Variants in MTMR2 observed in about 807,000 individuals in gnomAD.
The protein encoded by MTMR2 is myotubularin related protein 2, also known as phosphatidylinositol-3,5-bisphosphate 3-phosphatase MTMR2.
A neutral mutation model predicts 86.9 loss-of-function variants in MTMR2; 55 were observed. The observed-to-expected ratio is 0.63, with a 90% CI of 0.51 to 0.79. The LOEUF (loss-of-function observed/expected upper bound fraction) is 0.79, where lower values mean the gene tolerates loss of function less well. MTMR2 is among the 30% of genes least tolerant of loss of function. The pLI, the probability that MTMR2 is intolerant of heterozygous loss-of-function variation, is 0.00. For missense variants in MTMR2, 659 were observed against 772.3 expected, an observed-to-expected ratio of 0.85 and a Z score of 1.74; for synonymous variants, 241 against 266.8, an observed-to-expected ratio of 0.90 and a Z score of 0.94.
chr11:95,845,600 A>G (rs1863752813), intron 10 of MTMR2, among the ~76,000 whole-genome samples: 1 of 152,158 alleles, frequency 6.6e-6, no homozygotes, highest in Non-Finnish European at 1.5e-5. Flanking sequence ...GGATCTCTTT[A>G]AAATACTCTA....
chr11:95,863,747 T>C (rs2135479618), intron 3 of MTMR2, among the ~76,000 whole-genome samples: 1 of 152,258 alleles, frequency 6.6e-6, no homozygotes, highest in Admixed American at 6.5e-5. Context: ...CCCTTTATTC[T>C]AAAATCATGA....
intron 1 of MTMR2, among the ~76,000 whole-genome samples, chr11:95,918,231 G>A (rs1480373941): frequency 1.3e-5 from 2 of 152,096 alleles, no homozygotes; most frequent in Non-Finnish European, 2.9e-5. Flanking sequence ...AGCATCCATC[G>A]GGATCACCTG....
rs12385798 is a variant in MTMR2, at chr11:95,888,137, T to C, written c.186+19A>G. 1.1e-5 allele frequency: 17 copies of C among 1,550,882 alleles called. No individual in the cohort carries two copies. In the East Asian group the frequency reaches 3.8e-4, roughly 35 times the overall value. On this transcript the variant is annotated intron_variant, in intron 2 of 14. Coordinates refer to ENST00000346299, the MANE Select transcript of MTMR2 (RefSeq NM_016156.6). The stretch of plus-strand genomic sequence containing the variant: ...TTAACAGAAAGTACTTCATCAGAAC[T>C]TTAAAATAGTATACATACCCTCAAA...
intron 2 of MTMR2, among the ~76,000 whole-genome samples, chr11:95,876,816 CTT>C (rs1865129782): frequency 6.6e-6 from 1 of 152,044 alleles, no homozygotes. Flanking sequence ...CTCCCTTTCT[CTT>C]CTCTCCCTCT....
intron 7 of MTMR2, among the ~76,000 whole-genome samples, chr11:95,856,333 C>CCT (rs1555062761): frequency 6.9e-6 from 1 of 145,274 alleles, no homozygotes; most frequent in Non-Finnish European, 1.5e-5. Flanking sequence ...TTACCACTTC[C>CCT]TTTTTTTTTT....
intron 1 of MTMR2, among the ~76,000 whole-genome samples, chr11:95,916,807 G>GT (rs1866729218): frequency 6.6e-6 from 1 of 152,098 alleles, no homozygotes; most frequent in South Asian, 2.1e-4. Flanking sequence ...TTCACACAAA[G>GT]TAAGAGTCTT....
chr11:95,910,012 C>T (rs1157918966), intron 1 of MTMR2, among the ~76,000 whole-genome samples: 1 of 151,944 alleles, frequency 6.6e-6, no homozygotes, highest in Non-Finnish European at 1.5e-5. Flanking sequence ...ATTGAATATA[C>T]ATACTTTTAA....
rs189540416 is a variant in MTMR2, at chr11:95,898,502, C to G, written c.81-10241G>C. ...TAACACAAGCACAGCAACAGTGAGA[C>G]GCTGTCTCTACAAACACACACACAC... On this transcript the variant is annotated intron_variant, in intron 1 of 14. Transcript: ENST00000346299. 1.6e-3 allele frequency among the ~76,000 whole-genome samples: 240 copies of G among 151,886 alleles called. 1 individual carries two copies. The highest frequency in any genetic ancestry group is 5.6e-3 in the African/African-American group (233 of 41,406).
intron 1 of MTMR2, among the ~76,000 whole-genome samples, chr11:95,891,720 T>C (rs1194883644): frequency 4.6e-5 from 7 of 152,146 alleles, no homozygotes; most frequent in African/African-American, 1.4e-4. Flanking sequence ...GTATAACCAG[T>C]CTACAAAGGG....
Position 95,862,110 on chromosome 11 carries a change from A to T in MTMR2, c.358-8T>A. Reference sequence around the variant, plus strand: ...TAAAACAAATGGGGGATCCTAAAGAAGGAAAGAAAAAATAATTAAAACTGA... The same window carrying T: ...TAAAACAAATGGGGGATCCTAAAGATGGAAAGAAAAAATAATTAAAACTGA... On this transcript the variant is annotated splice_polypyrimidine_tract_variant and splice_region_variant and intron_variant, in intron 4 of 14. Coordinates refer to ENST00000346299, the MANE Select transcript of MTMR2 (RefSeq NM_016156.6). 3.1e-6 allele frequency: 5 copies of T among 1,607,568 alleles called. No individual in the cohort carries two copies. The highest frequency in any genetic ancestry group is 4.3e-6 in the Non-Finnish European group (5 of 1,174,228).
At chr11:95,836,780 A>G (rs961318107) in intron 13 of MTMR2, among the ~76,000 whole-genome samples, 1 of 152,064 alleles carries the variant, frequency 6.6e-6, no homozygotes, top group Non-Finnish European at 1.5e-5. Flanking sequence ...CAAGGTTTAC[A>G]TATTAAATGA....
intron 11 of MTMR2, 63 bp from the exon 12 acceptor site, chr11:95,841,772 T>G: frequency 7.4e-7 from 1 of 1,353,984 alleles, no homozygotes; most frequent in Non-Finnish European, 1.1e-6. Context: ...ATGGAAATAA[T>G]TTTTTAAAAA....
At chr11:95,886,781 A>T (rs1447200394) in intron 2 of MTMR2, among the ~76,000 whole-genome samples, 3 of 152,252 alleles carry the variant, frequency 2.0e-5, no homozygotes, top group South Asian at 2.1e-4. Context: ...GACATTTCAA[A>T]ATTATTAAGA....
chr11:95,853,650 A>G (rs1470029646), intron 7 of MTMR2, among the ~76,000 whole-genome samples: 1 of 152,188 alleles, frequency 6.6e-6, no homozygotes, highest in East Asian at 1.9e-4. Flanking sequence ...CTATCAGACT[A>G]TTCATTACAT....
intron 2 of MTMR2, among the ~76,000 whole-genome samples, chr11:95,869,328 T>A (rs1864762178): frequency 6.6e-6 from 1 of 152,046 alleles, no homozygotes; most frequent in Non-Finnish European, 1.5e-5. Flanking sequence ...TGTAACCCCA[T>A]CATAGGTCGA....
intron 12 of MTMR2, among the ~76,000 whole-genome samples, chr11:95,838,497 C>T (rs1340123685): frequency 6.6e-6 from 1 of 152,008 alleles, no homozygotes; most frequent in African/African-American, 2.4e-5. Context: ...CCCAAAATGA[C>T]CACAAACAAC....
At chr11:95,863,116 T>G (rs1047718398) in intron 3 of MTMR2, among the ~76,000 whole-genome samples, 2 of 152,228 alleles carry the variant, frequency 1.3e-5, no homozygotes, top group Non-Finnish European at 2.9e-5. Context: ...CAGTTCATAA[T>G]TTCCAATACA....
intron 2 of MTMR2, among the ~76,000 whole-genome samples, chr11:95,877,103 G>C (rs1865142074): frequency 6.6e-6 from 1 of 152,104 alleles, no homozygotes; most frequent in Non-Finnish European, 1.5e-5. Flanking sequence ...GAGAAAAAAA[G>C]GATTTTCTTA....
intron 7 of MTMR2, among the ~76,000 whole-genome samples, chr11:95,851,493 G>C (rs1239024242): frequency 6.6e-6 from 1 of 152,148 alleles, no homozygotes; most frequent in Non-Finnish European, 1.5e-5. Context: ...CTCCCAAGTA[G>C]CTGGGATTAC....
Sources: allele counts gnomAD v4.1 joint callset (sites outside exome capture counted in the v4.1 genomes callset), GRCh38; gene constraint gnomAD v4.1.1; transcripts MANE v1.5; gene names NCBI Gene and HGNC (gene_info 2026-07-23, HGNC 2026-07-21).